Variants in MGAT4A observed in about 807,000 individuals in gnomAD.
MGAT4A encodes the protein alpha-1,3-mannosyl-glycoprotein 4-beta-N-acetylglucosaminyltransferase A, also known as N-acetylglucosaminyltransferase IVa.
A neutral mutation model predicts 74.1 loss-of-function variants in MGAT4A; 33 were observed. The observed-to-expected ratio is 0.45, with a 90% CI of 0.34 to 0.60. The LOEUF is 0.60. MGAT4A is among the 20% of genes least tolerant of loss of function. MGAT4A has a pLI of 0.02. For missense variants in MGAT4A, 479 were observed against 628.3 expected (o/e 0.76, Z 2.54); for synonymous variants, 198 against 210.4 (o/e 0.94, Z 0.51).
chr2:98,640,464 G>T (rs1308889525), intron 10 of MGAT4A, among the ~76,000 whole-genome samples: 2 of 151,910 alleles, frequency 1.3e-5, no homozygotes, highest in East Asian at 3.9e-4. Flanking sequence ...ACAAAAATCA[G>T]CCAGGTGTGC....
chr2:98,642,322 C>T (rs1434605665), intron 10 of MGAT4A, among the ~76,000 whole-genome samples: 7 of 152,146 alleles, frequency 4.6e-5, no homozygotes, highest in East Asian at 1.9e-4. Flanking sequence ...GGCCCAAGCA[C>T]GCTGATAACC....
chr2:98,715,575 A>G (rs890904016), intron 2 of MGAT4A, among the ~76,000 whole-genome samples: 2 of 152,212 alleles, frequency 1.3e-5, no homozygotes, highest in African/African-American at 4.8e-5. Flanking sequence ...CCATGTCCTC[A>G]TAAGTGGCAG....
chr2:98,644,638 C>CTT (rs531715546), intron 9 of MGAT4A, among the ~76,000 whole-genome samples: 1 of 145,016 alleles, frequency 6.9e-6, no homozygotes. Context: ...TAAACATACT[C>CTT]TTTTTTTTTT....
intron 4 of MGAT4A, among the ~76,000 whole-genome samples, chr2:98,674,630 A>G (rs1701954539): frequency 6.6e-6 from 1 of 152,256 alleles, no homozygotes; most frequent in South Asian, 2.1e-4. Context: ...AAAGTTACAT[A>G]AAAGTTACTA....
intron 2 of MGAT4A, among the ~76,000 whole-genome samples, chr2:98,707,749 T>C (rs897449826): frequency 3.9e-5 from 6 of 152,122 alleles, no homozygotes; most frequent in Non-Finnish European, 8.8e-5. Flanking sequence ...ATGAACAGCA[T>C]CTGGAGAGGT....
Position 98,635,217 on chromosome 2 carries a change from A to G in MGAT4A, c.1468+5T>C, listed in dbSNP as rs1420449954. 7 of 1,598,104 alleles carry G rather than the reference A, an allele frequency of 4.4e-6. No homozygotes were observed. The Admixed American group carries it at 1.0e-4, about 24-fold the overall frequency. On this transcript the variant is annotated splice_donor_5th_base_variant and intron_variant, in intron 14 of 15. Transcript: ENST00000393487. The stretch of plus-strand genomic sequence containing the variant: ...TAAAGGCCATTTTACTAAAGTAGAT[A>G]TTACCTATTCTGAAATAGCCATCTT...
intron 14 of MGAT4A, among the ~76,000 whole-genome samples, chr2:98,628,948 G>A (rs769907112): frequency 1.8e-4 from 28 of 152,056 alleles, no homozygotes; most frequent in East Asian, 7.7e-4. Context: ...AAGCACACAC[G>A]CACACACTAC....
rs139573087 is a variant in MGAT4A, at chr2:98,727,801, T to G, written c.-235-1234A>C. ...AAGAAAGATCACAGGGGCATAGTACTAATAATGACAGCCACTACAACTTAT... is the reference window on the plus strand; with the variant it reads ...AAGAAAGATCACAGGGGCATAGTACGAATAATGACAGCCACTACAACTTAT... On this transcript the variant is annotated intron_variant, in intron 1 of 15. Transcript: ENST00000393487. 1.4e-3 allele frequency among the ~76,000 whole-genome samples: 220 copies of G among 152,360 alleles called. 6 individuals are homozygous for G. The South Asian group carries it at 0.032, about 22-fold the overall frequency.
At chr2:98,663,213 T>C in intron 4 of MGAT4A, 34 bp from the exon 5 acceptor site, 1 of 1,553,786 alleles carries the variant, frequency 6.4e-7, no homozygotes, top group Non-Finnish European at 8.7e-7. Context: ...ATTAAAAAAC[T>C]GTACAAGGAC....
chr2:98,718,714 A>C (rs1702622761), intron 2 of MGAT4A, among the ~76,000 whole-genome samples: 1 of 152,180 alleles, frequency 6.6e-6, no homozygotes, highest in South Asian at 2.1e-4. Flanking sequence ...GGCAAGTGCA[A>C]TTGAGATGTG....
At chr2:98,684,145 G>A (rs555511140) in intron 2 of MGAT4A, among the ~76,000 whole-genome samples, 104 of 152,324 alleles carry the variant, frequency 6.8e-4, no homozygotes, top group African/African-American at 2.1e-3. Flanking sequence ...TCTTAAGGAA[G>A]AGAATTGTTT....
At position 98,622,119 on chromosome 2, in the gene MGAT4A, G is replaced by A. The variant is rs1701070537; in HGVS notation, c.*3447C>T. On this transcript the variant is annotated 3_prime_UTR_variant, in exon 16 of 16. Transcript: ENST00000393487. ...TTACATCTTAGAATCCTAGAAATGG[G>A]TCCTCAGCTTTCTCTTCTCACCCAA... The A allele has an allele frequency of 9.1e-6, 9 of 985,418 alleles. No homozygotes were observed. Among genetic ancestry groups the A allele is most frequent in the Non-Finnish European group, 1.1e-5 (9 of 829,918 alleles). 61.0% of individuals were successfully genotyped at this position (985,418 alleles called of 1,614,324 possible). A position where few individuals can be genotyped will look rare whatever the true frequency, so the allele number is the denominator to read the frequency against.
rs143201146 is a variant in MGAT4A, at chr2:98,710,607, G to A, written c.94+15632C>T. Among the ~76,000 whole-genome samples, 1,142 of 152,094 alleles carry A rather than the reference G, an allele frequency of 7.5e-3. 12 individuals are homozygous for A. Among genetic ancestry groups the A allele is most frequent in the African/African-American group, 0.026 (1,095 of 41,494 alleles). On this transcript the variant is annotated intron_variant, in intron 2 of 15. Transcript: ENST00000393487. ...CCTGAGTAGGTGGAACTACAGGCAC[G>A]CACCACCATGCCTGGCTAATTTTTG...
intron 2 of MGAT4A, among the ~76,000 whole-genome samples, chr2:98,684,619 A>G (rs1345930682): frequency 6.6e-6 from 1 of 152,226 alleles, no homozygotes; most frequent in Non-Finnish European, 1.5e-5. Flanking sequence ...AATTGCTGAT[A>G]TTTGATCCTT....
intron 2 of MGAT4A, among the ~76,000 whole-genome samples, chr2:98,712,823 T>G (rs971652534): frequency 3.9e-5 from 6 of 152,214 alleles, no homozygotes; most frequent in African/African-American, 1.4e-4. Context: ...TTTAAGTTAC[T>G]TTCTAGCTTC....
intron 12 of MGAT4A, among the ~76,000 whole-genome samples, chr2:98,637,283 T>C (rs866042549): frequency 6.6e-6 from 1 of 152,066 alleles, no homozygotes; most frequent in Middle Eastern, 3.4e-3. Flanking sequence ...GCCACTGCAC[T>C]CCAGCCTGGG....
rs866143595 is a variant in MGAT4A at position 98,639,861 on chromosome 2, C to T, written c.1269G>A (p.Pro423=). 6.8e-6 allele frequency: 11 copies of T among 1,613,922 alleles called. No homozygotes were observed. The highest frequency in any genetic ancestry group is 2.2e-5 in the South Asian group (2 of 91,072). ...MGEDFFWAIT[P]IAGDYILFKF... ...TAAACAAGATGTAGTCTCCAGCTAT[C>T]GGTGTGATAGCCCAGAAGAAATCCT... is the stretch of plus-strand genomic sequence containing the variant. Residue 423 remains proline, a synonymous_variant, in exon 12 of 16, where the codon CCG becomes CCA. Transcript: ENST00000393487.
In MGAT4A at chr2:98,697,922, A is replaced by C. The variant is rs764275056; in HGVS notation, c.95-19451T>G. ...AGACAAATGCTAAAGGTTGATGTACACACAAAAGTGATTAGAAAGAGAGCG... is the reference window on the plus strand; with the variant it reads ...AGACAAATGCTAAAGGTTGATGTACCCACAAAAGTGATTAGAAAGAGAGCG... On this transcript the variant is annotated intron_variant, in intron 2 of 15. Transcript: ENST00000393487. 3.3e-5 allele frequency among the ~76,000 whole-genome samples: 5 copies of C among 152,252 alleles called. No homozygotes were observed. The South Asian group carries it at 6.2e-4, about 19-fold the overall frequency.
chr2:98,730,538 G>T (rs749221381), intron 1 of MGAT4A, among the ~76,000 whole-genome samples: 3 of 151,994 alleles, frequency 2.0e-5, no homozygotes, highest in Admixed American at 6.5e-5. Flanking sequence ...CGGACCGTCC[G>T]GCCCCGCCCA....
Sources: allele counts gnomAD v4.1 joint callset (sites outside exome capture counted in the v4.1 genomes callset), GRCh38; gene constraint gnomAD v4.1.1; transcripts MANE v1.5; gene names NCBI Gene and HGNC (gene_info 2026-07-23, HGNC 2026-07-21).